NEGR1: variants seen among roughly 807,000 people sequenced by gnomAD.
NEGR1 encodes the protein IgLON family member 4.
In NEGR1, 10 loss-of-function variants were observed where a neutral mutation model predicts 40.9. That is an observed-to-expected ratio of 0.24 (90% CI 0.15 to 0.42). The LOEUF (loss-of-function observed/expected upper bound fraction) is 0.42, where lower values mean the gene tolerates loss of function less well. Ranked by LOEUF, NEGR1 falls within the 10% of genes least tolerant of loss-of-function variation. The pLI, the probability that NEGR1 is intolerant of heterozygous loss-of-function variation, is 1.00. For missense variants in NEGR1, 352 were observed against 438.9 expected, an observed-to-expected ratio of 0.80 and a Z score of 1.77; for synonymous variants, 185 against 166.8, an observed-to-expected ratio of 1.11 and a Z score of -0.84.
chr1:71,931,631 T>C (rs1212976294), intron 2 of NEGR1, among the ~76,000 whole-genome samples: 1 of 152,100 alleles, frequency 6.6e-6, no homozygotes, highest in Non-Finnish European at 1.5e-5. Context: ...CCCAATCCCA[T>C]GACAGCAACA....
At chr1:72,170,402 C>T (rs1262303320) in intron 1 of NEGR1, among the ~76,000 whole-genome samples, 1 of 152,096 alleles carries the variant, frequency 6.6e-6, no homozygotes, top group Admixed American at 6.6e-5. Flanking sequence ...TTGTCTCCCT[C>T]AGCTGGAATG....
chr1:71,577,832 A>C (rs377127862), intron 6 of NEGR1, among the ~76,000 whole-genome samples: 45 of 152,274 alleles, frequency 3.0e-4, no homozygotes, highest in African/African-American at 1.0e-3. Flanking sequence ...TTGTTAAATC[A>C]CAAAAGATAA....
intron 1 of NEGR1, among the ~76,000 whole-genome samples, chr1:71,981,224 A>G (rs1339075591): frequency 6.6e-6 from 1 of 152,152 alleles, no homozygotes; most frequent in Non-Finnish European, 1.5e-5. Context: ...AGAGTCTCTC[A>G]TTCTTTGAGA....
At chr1:71,863,303 A>T (rs1305978501) in intron 2 of NEGR1, among the ~76,000 whole-genome samples, 1 of 152,196 alleles carries the variant, frequency 6.6e-6, no homozygotes, top group South Asian at 2.1e-4. Context: ...CTGCAGGGAC[A>T]TGGATGGAGC....
At chr1:72,141,817 T>C (rs1650688730) in intron 1 of NEGR1, among the ~76,000 whole-genome samples, 1 of 152,032 alleles carries the variant, frequency 6.6e-6, no homozygotes, top group South Asian at 2.1e-4. Flanking sequence ...GCACTGTGCC[T>C]TGTAGTTTAT....
chr1:71,788,677 ATGTGTG>A (rs10691626), intron 2 of NEGR1, among the ~76,000 whole-genome samples: 3 of 149,274 alleles, frequency 2.0e-5, no homozygotes, highest in Admixed American at 6.7e-5. Flanking sequence ...GAATACAAGC[ATGTGTG>A]TGTGTGTGTG....
At chr1:71,751,256 T>C (rs914564451) in intron 3 of NEGR1, among the ~76,000 whole-genome samples, 1 of 152,170 alleles carries the variant, frequency 6.6e-6, no homozygotes, top group African/African-American at 2.4e-5. Flanking sequence ...GTTATTTTAA[T>C]CTGCAATTTC....
chr1:71,743,867 G>A (rs114703742), intron 3 of NEGR1, among the ~76,000 whole-genome samples: 3,296 of 152,242 alleles, frequency 0.022, 49 homozygotes, highest in South Asian at 0.045. Context: ...GTAGTAGACT[G>A]CACTCTTTGC....
intron 1 of NEGR1, among the ~76,000 whole-genome samples, chr1:71,943,282 C>CATATGATACATAT (rs1287653618): frequency 2.3e-4 from 35 of 149,854 alleles, no homozygotes; most frequent in African/African-American, 8.6e-4. Context: ...CATATATACA[C>CATATGATACATAT]ATGTATCATA....
In NEGR1 at chr1:71,672,580, T is replaced by C. The variant is rs80278628; in HGVS notation, c.667+25428A>G. 8.5e-5 allele frequency among the ~76,000 whole-genome samples: 13 copies of C among 152,278 alleles called. 1 individual carries two copies. The East Asian group carries it at 2.3e-3, about 27-fold the overall frequency. On this transcript the variant is annotated intron_variant, in intron 4 of 6. Transcript: ENST00000357731. ...CAGCAGGGTCAATTAATCAGTGTGCTAGTCTCCAAAATATCTCAAAGTCCT... is the reference window on the plus strand; with the variant it reads ...CAGCAGGGTCAATTAATCAGTGTGCCAGTCTCCAAAATATCTCAAAGTCCT...
intron 1 of NEGR1, among the ~76,000 whole-genome samples, chr1:72,044,046 G>A (rs114853795): frequency 0.016 from 2,498 of 151,842 alleles, 71 homozygotes; most frequent in African/African-American, 0.057. Flanking sequence ...TTATCATCAT[G>A]TGTTGTAAAG....
At chr1:71,983,265 TA>T in intron 1 of NEGR1, among the ~76,000 whole-genome samples, 1 of 152,210 alleles carries the variant, frequency 6.6e-6, no homozygotes. Flanking sequence ...TGAAACTTAA[TA>T]AATAAGTCAA....
Position 72,273,213 on chromosome 1 carries a change from T to C in NEGR1, c.176+9106A>G, listed in dbSNP as rs183459717. The stretch of plus-strand genomic sequence containing the variant: ...TTAAAATGATACAAAAGTTATGCTC[T>C]GGTTTGGGGCATGTAGCTACTTTTT... On this transcript the variant is annotated intron_variant, in intron 1 of 6. Transcript: ENST00000357731. Among the ~76,000 whole-genome samples the C allele has an allele frequency of 7.2e-5, 11 of 152,154 alleles. No homozygotes were observed. In the East Asian group the frequency reaches 2.1e-3, roughly 29 times the overall value.
At chr1:71,697,796 T>C in intron 4 of NEGR1, 1 of 542,428 alleles carries the variant, frequency 1.8e-6, no homozygotes, top group Non-Finnish European at 3.3e-6. Context: ...ACTCCATACA[T>C]CAGACTGAAT....
At chr1:72,068,450 C>T (rs1300338631) in intron 1 of NEGR1, among the ~76,000 whole-genome samples, 1 of 152,166 alleles carries the variant, frequency 6.6e-6, no homozygotes, top group Non-Finnish European at 1.5e-5. Flanking sequence ...GACTACCTGC[C>T]AGTGGACTCA....
At chr1:71,772,805 C>T (rs1300051059) in intron 3 of NEGR1, among the ~76,000 whole-genome samples, 1 of 152,024 alleles carries the variant, frequency 6.6e-6, no homozygotes, top group Middle Eastern at 3.2e-3. Flanking sequence ...TATGTATATA[C>T]TTAGTCTACC....
chr1:71,484,096 T>C (rs1569930675), intron 6 of NEGR1, among the ~76,000 whole-genome samples: 1 of 151,862 alleles, frequency 6.6e-6, no homozygotes, highest in South Asian at 2.1e-4. Context: ...TAATCTACTA[T>C]GGATTTTAGG....
intron 3 of NEGR1, among the ~76,000 whole-genome samples, chr1:71,711,908 A>G (rs1319551478): frequency 6.6e-6 from 1 of 152,254 alleles, no homozygotes; most frequent in Non-Finnish European, 1.5e-5. Flanking sequence ...CATGCACAAA[A>G]TAAAATAGAT....
chr1:71,559,657 T>G (rs1186691460), intron 6 of NEGR1, among the ~76,000 whole-genome samples: 2 of 151,544 alleles, frequency 1.3e-5, no homozygotes, highest in African/African-American at 2.4e-5. Flanking sequence ...AAAATAACAC[T>G]TTAAACTTTT....
Sources: allele counts gnomAD v4.1 joint callset (sites outside exome capture counted in the v4.1 genomes callset), GRCh38; gene constraint gnomAD v4.1.1; transcripts MANE v1.5; gene names NCBI Gene and HGNC (gene_info 2026-07-23, HGNC 2026-07-21).